GSG1L: variants seen among roughly 807,000 people sequenced by gnomAD.
GSG1L encodes germ cell-specific gene 1-like protein.
GSG1L carries 24 observed loss-of-function variants against 42.1 expected under a neutral mutation model. That is an observed-to-expected ratio of 0.57 (90% confidence interval 0.41 to 0.80). GSG1L has a LOEUF of 0.80. GSG1L is among the 30% of genes least tolerant of loss of function. The pLI is 0.00. For synonymous variants in GSG1L, 215 were observed against 203.5 expected (o/e 1.06, Z -0.48); for missense variants, 445 against 472.2 (o/e 0.94, Z 0.53).
chr16:28,006,377 C>A (rs563370811), intron 1 of GSG1L, among the ~76,000 whole-genome samples: 4 of 151,218 alleles, frequency 2.6e-5, no homozygotes, highest in Non-Finnish European at 5.9e-5. Context: ...GGTGTGATCT[C>A]GGCTCACTGC....
At chr16:27,916,483 AT>A (rs1349358128) in intron 2 of GSG1L, among the ~76,000 whole-genome samples, 1 of 117,056 alleles carries the variant, frequency 8.5e-6, no homozygotes, top group Non-Finnish European at 1.7e-5. Context: ...AATATTTTTA[AT>A]CCTTTTTTTT....
chr16:28,019,758 C>A (rs953593026), intron 1 of GSG1L, among the ~76,000 whole-genome samples: 6 of 152,204 alleles, frequency 3.9e-5, no homozygotes, highest in Admixed American at 3.9e-4. Context: ...GAGAAGGGAG[C>A]AGAAATTTAG....
intron 5 of GSG1L, among the ~76,000 whole-genome samples, chr16:27,826,277 C>T (rs180772061): frequency 0.02 from 2,977 of 152,206 alleles, 101 homozygotes; most frequent in African/African-American, 0.068. Flanking sequence ...CTGTGTGGGT[C>T]TCCTCACCCC....
intron 1 of GSG1L, among the ~76,000 whole-genome samples, chr16:27,999,578 C>T (rs2085559584): frequency 2.0e-5 from 3 of 152,172 alleles, no homozygotes; most frequent in Admixed American, 2.0e-4. Flanking sequence ...ATACTCATAC[C>T]TAATATTTAT....
At chr16:27,859,996 C>T (rs2083624659) in intron 3 of GSG1L, among the ~76,000 whole-genome samples, 1 of 152,168 alleles carries the variant, frequency 6.6e-6, no homozygotes, top group African/African-American at 2.4e-5. Context: ...TGCCTGTCTT[C>T]TGAGGAAGGC....
At chr16:28,045,871 C>T (rs2086153296) in intron 1 of GSG1L, among the ~76,000 whole-genome samples, 1 of 152,000 alleles carries the variant, frequency 6.6e-6, no homozygotes, top group Non-Finnish European at 1.5e-5. Context: ...TGGCAGGTGC[C>T]TGTAATCCCA....
In GSG1L at chr16:27,849,197, C is replaced by CAAA. The variant is rs538757457; in HGVS notation, c.551-4139_551-4137dup. On this transcript the variant is annotated intron_variant, in intron 3 of 6. Coordinates refer to ENST00000447459, the MANE Select transcript of GSG1L (RefSeq NM_001109763.2). ...TGGGTGACAGAGTGAGCCTCTATCC[C>CAAA]AAAAAGAAAAAAAAAAAAAAAAAAA... is the stretch of plus-strand genomic sequence containing the variant. Among the ~76,000 whole-genome samples the CAAA allele has an allele frequency of 2.1e-4, 24 of 113,604 alleles. 1 individual carries two copies. The highest frequency in any genetic ancestry group is 6.5e-4 in the African/African-American group (20 of 30,742). 74.5% of individuals were successfully genotyped at this position (113,604 alleles called of 152,430 possible).
Position 27,963,319 on chromosome 16 carries a change from T to C in GSG1L, c.350-116A>G, listed in dbSNP as rs1478696277. 1.4e-5 allele frequency: 12 copies of C among 864,388 alleles called. No individual in the cohort carries two copies. In the East Asian group the frequency reaches 2.1e-4, roughly 15 times the overall value. 53.5% of individuals were successfully genotyped at this position (864,388 alleles called of 1,614,324 possible). Reference sequence around the variant, plus strand: ...GCCAGTGTCTCTGACCCAAGCCCAGTGACATCTTTCTCCAACCCTGGTTCC... The same window carrying C: ...GCCAGTGTCTCTGACCCAAGCCCAGCGACATCTTTCTCCAACCCTGGTTCC... On this transcript the variant is annotated intron_variant, in intron 1 of 6. Coordinates refer to ENST00000447459, the MANE Select transcript of GSG1L (RefSeq NM_001109763.2).
intron 2 of GSG1L, among the ~76,000 whole-genome samples, chr16:27,902,183 G>T (rs565870931): frequency 6.6e-6 from 1 of 152,154 alleles, no homozygotes. Flanking sequence ...CATGGGTGGC[G>T]CTCAGCAAAG....
chr16:27,997,831 C>T (rs906530916), intron 1 of GSG1L, among the ~76,000 whole-genome samples: 6 of 150,266 alleles, frequency 4.0e-5, no homozygotes, highest in Admixed American at 2.0e-4. Flanking sequence ...AGTTTTTCAT[C>T]CCTCACTCCC....
intron 1 of GSG1L, among the ~76,000 whole-genome samples, chr16:27,966,707 A>G (rs2085138662): frequency 1.3e-5 from 2 of 152,130 alleles, no homozygotes; most frequent in African/African-American, 4.8e-5. Flanking sequence ...TCATGGCCCA[A>G]CTTCTAGACC....
At chr16:27,892,976 G>A (rs1454856647) in intron 2 of GSG1L, among the ~76,000 whole-genome samples, 2 of 152,108 alleles carry the variant, frequency 1.3e-5, no homozygotes, top group Non-Finnish European at 2.9e-5. Context: ...ATGCAAGCTC[G>A]CGGAAGGACA....
chr16:27,861,573 G>C, intron 3 of GSG1L, among the ~76,000 whole-genome samples: 1 of 152,102 alleles, frequency 6.6e-6, no homozygotes, highest in East Asian at 1.9e-4. Context: ...ATTCACTATA[G>C]CAGAGCATTG....
intron 1 of GSG1L, among the ~76,000 whole-genome samples, chr16:27,976,784 C>G (rs978233595): frequency 6.6e-6 from 1 of 152,194 alleles, no homozygotes; most frequent in Non-Finnish European, 1.5e-5. Flanking sequence ...CTCTGTTTCT[C>G]TAAGTCTGAA....
chr16:27,877,341 G>A (rs1230762499), intron 3 of GSG1L, among the ~76,000 whole-genome samples: 1 of 152,152 alleles, frequency 6.6e-6, no homozygotes, highest in Non-Finnish European at 1.5e-5. Flanking sequence ...TCGTAGACCT[G>A]TTCCTCCATA....
At chr16:27,959,314 A>AAT (rs1187712198) in intron 2 of GSG1L, among the ~76,000 whole-genome samples, 1 of 151,074 alleles carries the variant, frequency 6.6e-6, no homozygotes, top group Non-Finnish European at 1.5e-5. Flanking sequence ...AAAAAAAAAA[A>AAT]AAAATTAGCC....
intron 1 of GSG1L, among the ~76,000 whole-genome samples, chr16:27,965,611 G>C (rs1180350525): frequency 6.6e-6 from 1 of 152,112 alleles, no homozygotes; most frequent in African/African-American, 2.4e-5. Context: ...TGCATCCCCA[G>C]CTAGTAAATG....
chr16:28,032,049 C>T (rs1048846737), intron 1 of GSG1L, among the ~76,000 whole-genome samples: 1 of 152,218 alleles, frequency 6.6e-6, no homozygotes, highest in African/African-American at 2.4e-5. Flanking sequence ...AGCAAGATCA[C>T]AGGGGAACTG....
chr16:27,988,159 A>C (rs2085409837), intron 1 of GSG1L, among the ~76,000 whole-genome samples: 1 of 152,050 alleles, frequency 6.6e-6, no homozygotes, highest in South Asian at 2.1e-4. Context: ...ATAAACAAAA[A>C]ATTAAGGAAA....
Sources: gnomAD v4.1 joint callset for allele counts (sites outside exome capture counted in the v4.1 genomes callset) on GRCh38, gnomAD v4.1.1 for gene constraint, MANE v1.5 for transcripts, NCBI Gene and HGNC (gene_info 2026-07-23, HGNC 2026-07-21) for gene names.